The following BRWD1 variants were observed in gnomAD, a reference collection of about 807,000 sequenced individuals.
BRWD1 encodes bromodomain and WD repeat domain containing 1.
BRWD1 carries 82 observed loss-of-function variants against 251.2 expected under a neutral mutation model. The observed-to-expected ratio is 0.33, with a 90% CI of 0.27 to 0.39. BRWD1 has a LOEUF of 0.39. Among genes scored for constraint, BRWD1 ranks in the 10% least tolerant of loss-of-function variants. The pLI is 1.00. For missense variants in BRWD1, 2,233 were observed against 2,711.6 expected (o/e 0.82, Z 3.92); for synonymous variants, 918 against 902.8 (o/e 1.02, Z -0.30).
chr21:39,208,160 T>C (rs1263088813), intron 36 of BRWD1, among the ~76,000 whole-genome samples: 7 of 152,212 alleles, frequency 4.6e-5, no homozygotes, highest in Non-Finnish European at 1.0e-4. Context: ...CAACTGACAA[T>C]GTACTATACC....
In BRWD1 at chr21:39,191,569, T is replaced by G; in HGVS notation, c.*4690A>C. 1.0e-6 allele frequency: 1 copy of G among 984,742 alleles called. No homozygotes were observed. Among genetic ancestry groups the G allele is most frequent in the African/African-American group, 1.7e-5 (1 of 57,320 alleles). 61.0% of individuals were successfully genotyped at this position (984,742 alleles called of 1,614,324 possible). ...CTGCTTGACAGGCTCATGTAATTTT[T>G]TGATTGGGATTTTGTAGGTGAATAT... On this transcript the variant is annotated 3_prime_UTR_variant, in exon 41 of 41. Coordinates refer to ENST00000342449, the MANE Select transcript of BRWD1 (RefSeq NM_033656.4).
At chr21:39,308,575 T>C (rs768265076) in intron 4 of BRWD1, among the ~76,000 whole-genome samples, 16 of 151,850 alleles carry the variant, frequency 1.1e-4, no homozygotes, top group Non-Finnish European at 1.6e-4. Flanking sequence ...TTAAGATAAA[T>C]TGTGGCTTTA....
intron 8 of BRWD1, among the ~76,000 whole-genome samples, chr21:39,287,823 T>C (rs2035689332): frequency 1.3e-5 from 2 of 152,360 alleles, no homozygotes; most frequent in East Asian, 3.9e-4. Context: ...TTGTGATCAC[T>C]GAATTTCAGC....
intron 31 of BRWD1, among the ~76,000 whole-genome samples, chr21:39,217,843 G>A (rs1170542129): frequency 3.3e-5 from 5 of 151,808 alleles, no homozygotes; most frequent in Admixed American, 6.6e-5. Flanking sequence ...CATGTATGAG[G>A]ATAGAAAAAT....
intron 32 of BRWD1, 125 bp downstream of exon 32, chr21:39,215,112 T>G: frequency 2.3e-6 from 2 of 883,372 alleles, no homozygotes; most frequent in Non-Finnish European, 3.5e-6. Flanking sequence ...GCAAGTGATC[T>G]GACGGCCTTC....
chr21:39,193,585 G>A lies in BRWD1; in HGVS notation c.*2674C>T. The A allele has an allele frequency of 1.0e-6, 1 of 985,392 alleles. No individual in the cohort carries two copies. Among genetic ancestry groups the A allele is most frequent in the Non-Finnish European group, 1.2e-6 (1 of 829,666 alleles). 61.0% of individuals were successfully genotyped at this position (985,392 alleles called of 1,614,324 possible). ...TAAATGAATAAAACCATAGGACTTT[G>A]GACATACACAACCAAAGTAGTTTTT... On this transcript the variant is annotated 3_prime_UTR_variant, in exon 41 of 41. Transcript: ENST00000342449.
intron 20 of BRWD1, among the ~76,000 whole-genome samples, chr21:39,250,211 C>T (rs539326413): frequency 3.3e-5 from 5 of 151,972 alleles, no homozygotes; most frequent in African/African-American, 4.8e-5. Context: ...CATTCTTGTT[C>T]GGATAAGGCA....
At chr21:39,299,444 G>T (rs1036831863) in intron 4 of BRWD1, among the ~76,000 whole-genome samples, 1 of 151,994 alleles carries the variant, frequency 6.6e-6, no homozygotes, top group African/African-American at 2.4e-5. Context: ...TAGGTGCCAG[G>T]AGCCATAAGT....
In BRWD1 at chr21:39,190,316, C is replaced by G. The variant is rs995422804; in HGVS notation, c.*5943G>C. ...ACTGTTTTCCTAAATTCAAAGTAAA[C>G]TGCATATGGTTACTACAGAAGCATT... On this transcript the variant is annotated 3_prime_UTR_variant, in exon 41 of 41. Transcript: ENST00000342449. 65 of 984,712 alleles carry G rather than the reference C, an allele frequency of 6.6e-5. No homozygotes were observed. Among genetic ancestry groups the G allele is most frequent in the Non-Finnish European group, 7.7e-5 (64 of 829,558 alleles). 61.0% of individuals were successfully genotyped at this position (984,712 alleles called of 1,614,324 possible). A position where few individuals can be genotyped will look rare whatever the true frequency, so the allele number is the denominator to read the frequency against.
chr21:39,228,627 TTA>T (rs753503992), intron 26 of BRWD1, 45 bp from the exon 27 acceptor site: 2 of 1,116,820 alleles, frequency 1.8e-6, no homozygotes, highest in Non-Finnish European at 2.7e-6. Context: ...ACATAGCAGG[TTA>T]TATAGTCTAA....
At chr21:39,254,209 G>A (rs1317648573) in intron 19 of BRWD1, among the ~76,000 whole-genome samples, 1 of 152,184 alleles carries the variant, frequency 6.6e-6, no homozygotes, top group East Asian at 1.9e-4. Context: ...AGGTTGCAGT[G>A]AGCCAAGATC....
chr21:39,262,846 G>A (rs2034799491), intron 17 of BRWD1, among the ~76,000 whole-genome samples: 1 of 152,164 alleles, frequency 6.6e-6, no homozygotes, highest in Non-Finnish European at 1.5e-5. Context: ...ACTTTTGGGG[G>A]CAGTATAAAT....
chr21:39,286,485 T>G (rs1407187784), intron 8 of BRWD1, among the ~76,000 whole-genome samples: 1 of 152,040 alleles, frequency 6.6e-6, no homozygotes, highest in Non-Finnish European at 1.5e-5. Flanking sequence ...ACCAAACTTC[T>G]GGAAAATAAA....
At chr21:39,277,400 T>C (rs753886711) in intron 10 of BRWD1, 49 bp from the exon 11 acceptor site, 4 of 1,123,226 alleles carry the variant, frequency 3.6e-6, no homozygotes, top group East Asian at 2.7e-5. Flanking sequence ...AACAAATACC[T>C]GAACAAATCA....
chr21:39,257,602 G>A (rs2034600851), intron 18 of BRWD1, among the ~76,000 whole-genome samples: 1 of 151,998 alleles, frequency 6.6e-6, no homozygotes. Flanking sequence ...GACAACTGGG[G>A]AAGAGTAAGT....
Position 39,313,597 on chromosome 21 carries a change from GCC to G in BRWD1, c.-108_-107del. 3.6e-6 allele frequency: 3 copies of G among 838,248 alleles called. No homozygotes were observed. Among genetic ancestry groups the G allele is most frequent in the Non-Finnish European group, 4.7e-6 (3 of 637,296 alleles). 51.9% of individuals were successfully genotyped at this position (838,248 alleles called of 1,614,324 possible). On this transcript the variant is annotated 5_prime_UTR_variant, in exon 1 of 41. The change abolishes the stop of an existing upstream ORF in the 5' untranslated region. Transcript: ENST00000342449. ...CCCCTCTTCTCAGGCGCGCGCCGCC[GCC>G]GCCGCCGCCGCCGCCATACCGTGCG... is the stretch of plus-strand genomic sequence containing the variant.
At chr21:39,292,954 TCCATCATAA>T (rs1230998994) in intron 8 of BRWD1, among the ~76,000 whole-genome samples, 3 of 152,112 alleles carry the variant, frequency 2.0e-5, no homozygotes, top group Non-Finnish European at 4.4e-5. Context: ...ATCTTTTCCT[TCCATCATAA>T]CCGTCACTAT....
chr21:39,312,733 T>C (rs1221672469), intron 4 of BRWD1, 108 bp downstream of exon 4: 10 of 747,172 alleles, frequency 1.3e-5, no homozygotes, highest in South Asian at 1.9e-5. Context: ...CGCCCCCCAG[T>C]GCGGGTCACA....
In BRWD1 at chr21:39,210,110, C is replaced by A. The variant is rs776374391; in HGVS notation, c.4082G>T (p.Gly1361Val). The change falls in exon 36 of 41, where the codon GGA becomes GTA. Residue 1361 changes from glycine to valine, a missense_variant. Physicochemically the swap from Gly to Val is moderately radical, Grantham distance 109. Coordinates refer to ENST00000342449, the MANE Select transcript of BRWD1 (RefSeq NM_033656.4). ...CGCATCTAGAGTTTCCCTTACTGTT[C>A]CAAAATCCATTGGGGTATCTATAAT... ...RDIIDTPMDF[G>V]TVRETLDAGN... is the part of the protein sequence containing the mutation. The A allele has an allele frequency of 6.2e-7, 1 of 1,612,474 alleles. No individual in the cohort carries two copies. Among genetic ancestry groups the A allele is most frequent in the Non-Finnish European group, 8.5e-7 (1 of 1,178,744 alleles).
Sources: gnomAD v4.1 joint callset for allele counts (sites outside exome capture counted in the v4.1 genomes callset) on GRCh38, gnomAD v4.1.1 for gene constraint, MANE v1.5 for transcripts, NCBI Gene and HGNC (gene_info 2026-07-23, HGNC 2026-07-21) for gene names.